CLDN15: variants seen among roughly 807,000 people sequenced by gnomAD.
The protein encoded by CLDN15 is claudin 15.
Under a neutral mutation model 24.5 loss-of-function variants are expected in CLDN15, and 9 were observed. The observed-to-expected ratio is 0.37, with a 90% CI of 0.22 to 0.64. The LOEUF (loss-of-function observed/expected upper bound fraction) is 0.64, where lower values mean the gene tolerates loss of function less well. Ranked by LOEUF, CLDN15 falls within the 30% of genes least tolerant of loss-of-function variation. The pLI, the probability that CLDN15 is intolerant of heterozygous loss-of-function variation, is 0.63. For missense variants in CLDN15, 248 were observed against 305.9 expected (o/e 0.81, Z 1.41); for synonymous variants, 149 against 131.4 (o/e 1.13, Z -0.92).
intron 1 of CLDN15, among the ~76,000 whole-genome samples, chr7:101,236,025 C>A (rs1458872968): frequency 6.6e-6 from 1 of 152,154 alleles, no homozygotes. Context: ...AGCACCTAGC[C>A]CAAGGCCCGG....
In CLDN15 at chr7:101,232,713, G is replaced by A. The variant is rs758393097; in HGVS notation, c.472C>T (p.Leu158=). Reference sequence around the variant, plus strand: ...CACCCCAGGTAGAGGGCGGGGCCCAGCTCGTACCTGCGCACAAGGGCGGCG... The same window carrying A: ...CACCCCAGGTAGAGGGCGGGGCCCAACTCGTACCTGCGCACAAGGGCGGCG... ...DPLYPGTKYE[L]GPALYLGWSA... Residue 158 remains leucine (L), a synonymous_variant, in exon 4 of 5, where the codon CTG becomes TTG. Coordinates refer to ENST00000308344, the MANE Select transcript of CLDN15 (RefSeq NM_014343.3). 7.5e-6 allele frequency: 12 copies of A among 1,595,242 alleles called. No homozygotes were observed. Among genetic ancestry groups the A allele is most frequent in the Middle Eastern group, 1.7e-4 (1 of 5,890 alleles).
In CLDN15 at chr7:101,237,605, G is replaced by T. The variant is rs569283323; in HGVS notation, c.-24C>A. ...ATGGTGGGATGCAGGACCCTGGGGG[G>T]CTGGTGCCCCAGAGAGGGGGAGGGG... On this transcript the variant is annotated 5_prime_UTR_variant, in exon 1 of 5. Coordinates refer to ENST00000308344, the MANE Select transcript of CLDN15 (RefSeq NM_014343.3). The surrounding 1 kb of genome is among the most constrained non-coding windows in gnomAD (Gnocchi z 4.0). The T allele has an allele frequency of 3.8e-6, 6 of 1,573,380 alleles. No individual in the cohort carries two copies. In the South Asian group the frequency reaches 6.7e-5, roughly 17 times the overall value.
Position 101,234,339 on chromosome 7 carries a change from G to T in CLDN15, c.321C>A (p.Gly107=), listed in dbSNP as rs371309936. 23 of 1,611,836 alleles carry T rather than the reference G, an allele frequency of 1.4e-5. No individual in the cohort carries two copies. The highest frequency in any genetic ancestry group is 1.6e-4 in the Middle Eastern group (1 of 6,080). ...IAGLRCTNIG[G]LELSRKAKLA... is the part of the protein sequence containing the mutation. ...GCTTGGCTTTCCTGGAGAGCTCCAG[G>T]CCCCCAATGTTGGTGCAGCGCAGGC... Residue 107 remains glycine, a synonymous_variant, in exon 2 of 5, where the codon GGC becomes GGA. Coordinates refer to ENST00000308344, the MANE Select transcript of CLDN15 (RefSeq NM_014343.3).
In CLDN15 at chr7:101,232,733, G is replaced by C. The variant is rs1381812903; in HGVS notation, c.465-13C>G. On this transcript the variant is annotated splice_polypyrimidine_tract_variant and intron_variant, in intron 3 of 4. Coordinates refer to ENST00000308344, the MANE Select transcript of CLDN15 (RefSeq NM_014343.3). Reference sequence around the variant, plus strand: ...GCCCAGCTCGTACCTGCGCACAAGGGCGGCGCGGGGGCGGGGGACAAGTGA... The same window carrying C: ...GCCCAGCTCGTACCTGCGCACAAGGCCGGCGCGGGGGCGGGGGACAAGTGA... 1 of 1,589,204 alleles carries C rather than the reference G, an allele frequency of 6.3e-7. No homozygotes were observed. Among genetic ancestry groups the C allele is most frequent in the Admixed American group, 1.7e-5 (1 of 58,146 alleles).
intron 4 of CLDN15, 41 bp downstream of exon 4, chr7:101,232,563 C>G (rs1798522678): frequency 6.3e-7 from 1 of 1,596,546 alleles, no homozygotes; most frequent in Admixed American, 1.7e-5. Context: ...CCTCCTCTCT[C>G]CAATCCCGCC....
intron 1 of CLDN15, chr7:101,236,629 G>T: frequency 1.4e-6 from 1 of 709,590 alleles, no homozygotes; most frequent in Non-Finnish European, 2.1e-6. Context: ...TCATCTTAGC[G>T]GGGAGCAGGG....
intron 1 of CLDN15, among the ~76,000 whole-genome samples, chr7:101,236,202 A>C (rs1357152347): frequency 6.6e-6 from 1 of 151,896 alleles, no homozygotes; most frequent in East Asian, 1.9e-4. Context: ...TCCCTTCTGG[A>C]CACTCAGAAC....
upstream of CLDN15, chr7:101,237,814 GC>G: frequency 1.8e-6 from 1 of 567,568 alleles, no homozygotes; most frequent in Non-Finnish European, 3.2e-6. The surrounding 1 kb of genome is among the most constrained non-coding windows in gnomAD (Gnocchi z 4.0). Flanking sequence ...AGCTAAGCCT[GC>G]GCGCGGCAGC....
At position 101,237,538 on chromosome 7, in the gene CLDN15, A is replaced by C. The variant is rs1410327936; in HGVS notation, c.44T>G (p.Val15Gly). ...VETFGFFMATVGLLMLGVTLP... is the reference protein window; with the variant it reads ...VETFGFFMATGGLLMLGVTLP... Reference sequence around the variant, plus strand: ...AGTCACCCCCAGCATCAGCAGCCCCACAGTTGCCATGAAGAAGCCAAAGGT... The same window carrying C: ...AGTCACCCCCAGCATCAGCAGCCCCCCAGTTGCCATGAAGAAGCCAAAGGT... The change falls in exon 1 of 5, where the codon GTG becomes GGG. Residue 15 changes from valine to glycine, a missense_variant. Val to Gly is a moderately radical substitution (Grantham distance 109, BLOSUM62 -3). Transcript: ENST00000308344. This position sits in a 1 kb window ranked among gnomAD's most constrained non-coding sequence, Gnocchi z 4.0. The C allele has an allele frequency of 6.2e-7, 1 of 1,614,156 alleles. No homozygotes were observed. The highest frequency in any genetic ancestry group is 1.7e-5 in the Admixed American group (1 of 60,000).
intron 1 of CLDN15, among the ~76,000 whole-genome samples, chr7:101,236,432 G>A (rs1798625862): frequency 6.6e-6 from 1 of 152,158 alleles, no homozygotes; most frequent in African/African-American, 2.4e-5. Context: ...GAGCTCTCAA[G>A]CCCCGCTTCA....
intron 1 of CLDN15, among the ~76,000 whole-genome samples, chr7:101,236,270 GC>G (rs140113905): frequency 0.056 from 8,546 of 151,848 alleles, 301 homozygotes; most frequent in African/African-American, 0.1. Context: ...TGGGGGGGGG[GC>G]CCGCCGGCCC....
upstream of CLDN15, chr7:101,237,874 CT>C: frequency 2.3e-6 from 1 of 434,590 alleles, no homozygotes; most frequent in Non-Finnish European, 4.3e-6. The surrounding 1 kb of genome is among the most constrained non-coding windows in gnomAD (Gnocchi z 4.0). Context: ...AGTCCACCCC[CT>C]CCCCCCAGCC....
Position 101,232,461 on chromosome 7 carries a change from G to T in CLDN15, c.636C>A (p.Asp212Glu), listed in dbSNP as rs753297720. Residue 212 changes from aspartate to glutamate, a missense_variant, in exon 5 of 5, where the codon GAC becomes GAA. By Grantham distance (45) the Asp-to-Glu change is conservative. Coordinates refer to ENST00000308344, the MANE Select transcript of CLDN15 (RefSeq NM_014343.3). The stretch of plus-strand genomic sequence containing the variant: ...TGCCAAAGCTGCTGTCGCCTTCTTG[G>T]TCCGAGGTGGCGACGGGCATCACGG... ...PVSVMPVATS[D>E]QEGDSSFGKY... 1 of 1,613,550 alleles carries T rather than the reference G, an allele frequency of 6.2e-7. No individual in the cohort carries two copies.
intron 1 of CLDN15, among the ~76,000 whole-genome samples, chr7:101,235,034 A>G (rs574319730): frequency 8.5e-5 from 13 of 152,192 alleles, no homozygotes; most frequent in Non-Finnish European, 1.5e-4. Flanking sequence ...CCTCCCCACA[A>G]GCTGTGACAA....
Position 101,232,108 on chromosome 7 carries a change from G to T in CLDN15, c.*302C>A. On this transcript the variant is annotated 3_prime_UTR_variant, in exon 5 of 5. Coordinates refer to ENST00000308344, the MANE Select transcript of CLDN15 (RefSeq NM_014343.3). ...TTCAAGCCCTGAACGGTCACAATATGCATTTATTAATGAATGTATTTATAC... is the reference window on the plus strand; with the variant it reads ...TTCAAGCCCTGAACGGTCACAATATTCATTTATTAATGAATGTATTTATAC... 1 of 272,920 alleles carries T rather than the reference G, an allele frequency of 3.7e-6. No individual in the cohort carries two copies. The highest frequency in any genetic ancestry group is 6.3e-5 in the South Asian group (1 of 15,974). The allele number at this position is 272,920 out of a possible 1,614,324, so 16.9% of individuals were successfully genotyped here. A position where few individuals can be genotyped will look rare whatever the true frequency, so the allele number is the denominator to read the frequency against.
chr7:101,234,460 T>G lies in CLDN15; in HGVS notation c.218-18A>C, dbSNP rs774994899. 1 of 1,591,270 alleles carries G rather than the reference T, an allele frequency of 6.3e-7. No homozygotes were observed. Among genetic ancestry groups the G allele is most frequent in the South Asian group, 1.1e-5 (1 of 90,660 alleles). On this transcript the variant is annotated intron_variant, in intron 1 of 4. Transcript: ENST00000308344. ...AATATACCCTGGGGGTGGGCACAGTTGTCAGCCTTTCCCATCTCCCCTCTG... is the reference window on the plus strand; with the variant it reads ...AATATACCCTGGGGGTGGGCACAGTGGTCAGCCTTTCCCATCTCCCCTCTG...
At chr7:101,236,833 G>A in intron 1 of CLDN15, 3 of 1,290,694 alleles carry the variant, frequency 2.3e-6, no homozygotes, top group Non-Finnish European at 3.0e-6. Context: ...ATAGACATCA[G>A]CCGGACAAGG....
In CLDN15 at chr7:101,234,291, G is replaced by C; in HGVS notation, c.369C>G (p.Leu123=). 1 of 1,607,484 alleles carries C rather than the reference G, an allele frequency of 6.2e-7. No homozygotes were observed. The highest frequency in any genetic ancestry group is 8.5e-7 in the Non-Finnish European group (1 of 1,179,142). ...KAKLAATAGA[L]HILAGICGMV... ...TCCCCCAGTTACCGGCCAGAATGTG[G>C]AGGGCCCCTGCGGTGGCCGCCAGCT... Residue 123 remains leucine, a synonymous_variant, in exon 2 of 5, where the codon CTC becomes CTG. Transcript: ENST00000308344.
In CLDN15 at chr7:101,234,411, G is replaced by T; in HGVS notation, c.249C>A (p.Ile83=). 1 of 1,613,114 alleles carries T rather than the reference G, an allele frequency of 6.2e-7. No homozygotes were observed. The highest frequency in any genetic ancestry group is 1.1e-5 in the South Asian group (1 of 91,060). ...GYIQACRALM[I]TAILLGFLGL... ...CGAGGAAGCCCAGGAGGATGGCGGT[G>T]ATCATGAGTGCCCGGCAGGCCTGAA... The change falls in exon 2 of 5, where the codon ATC becomes ATA. Residue 83 remains isoleucine (I), a synonymous_variant. Coordinates refer to ENST00000308344, the MANE Select transcript of CLDN15 (RefSeq NM_014343.3).
Sources: gnomAD v4.1 joint callset for allele counts (sites outside exome capture counted in the v4.1 genomes callset) on GRCh38, gnomAD v4.1.1 for gene constraint, Gnocchi (gnomAD v3.1) non-coding constraint, MANE v1.5 for transcripts, NCBI Gene and HGNC (gene_info 2026-07-23, HGNC 2026-07-21) for gene names.